The following CD163L1 variants were observed in gnomAD, a reference collection of about 807,000 sequenced individuals.
The protein encoded by CD163L1 is scavenger receptor cysteine-rich type 1 protein M160.
In CD163L1, 124 loss-of-function variants were observed where a neutral mutation model predicts 165.4. The ratio of observed to expected loss-of-function variants is 0.75; its 90% confidence interval spans 0.65 to 0.87. The LOEUF (loss-of-function observed/expected upper bound fraction) is 0.87, where lower values mean the gene tolerates loss of function less well. Among genes scored for constraint, CD163L1 ranks in the 40% least tolerant of loss-of-function variants. The pLI is 0.00. For synonymous variants in CD163L1, 585 were observed against 662.2 expected, an observed-to-expected ratio of 0.88 and a Z score of 1.79; for missense variants, 1,525 against 1,799.9, an observed-to-expected ratio of 0.85 and a Z score of 2.76.
rs746519807 is a variant in CD163L1 at position 7,403,806 on chromosome 12, T to G, written c.1137A>C (p.Ser379=). 4 of 1,613,774 alleles carry G rather than the reference T, an allele frequency of 2.5e-6. No homozygotes were observed. The highest frequency in any genetic ancestry group is 3.4e-6 in the Non-Finnish European group (4 of 1,179,902). The part of the protein sequence containing the change: ...LRLADGSNNC[S]GRVEVRIHEQ... ...CATGAATTCTCACCTCTACTCTCCCTGAACAATTGTTACTTCCATCTGCTA... is the reference window on the plus strand; with the variant it reads ...CATGAATTCTCACCTCTACTCTCCCGGAACAATTGTTACTTCCATCTGCTA... Residue 379 remains serine, a synonymous_variant, in exon 6 of 20, where the codon TCA becomes TCC. Transcript: ENST00000313599.
chr12:7,379,221 C>A lies in CD163L1; in HGVS notation c.2128G>T (p.Ala710Ser). The change falls in exon 9 of 20, where the codon GCC (alanine) becomes TCC (serine). Residue 710 changes from alanine to serine, a missense_variant. Ala to Ser is a moderately conservative substitution (Grantham distance 99). Transcript: ENST00000313599. ...CCATTAGCACACAGAATTCCCACGG[C>A]ACCCTGGACATTCACCTCAACTTTT... ...AGKVEVNVQGAVGILCANGWG... is the reference protein window; with the variant it reads ...AGKVEVNVQGSVGILCANGWG... 1 of 1,614,210 alleles carries A rather than the reference C, an allele frequency of 6.2e-7. No homozygotes were observed. Among genetic ancestry groups the A allele is most frequent in the Non-Finnish European group, 8.5e-7 (1 of 1,180,030 alleles).
At chr12:7,422,195 G>C (rs984402823) in intron 4 of CD163L1, among the ~76,000 whole-genome samples, 5 of 152,058 alleles carry the variant, frequency 3.3e-5, no homozygotes, top group Admixed American at 6.6e-5. Flanking sequence ...CTGGAGAAGA[G>C]GGGCATGACT....
chr12:7,429,133 AT>A (rs1179118479), intron 4 of CD163L1, among the ~76,000 whole-genome samples: 1 of 152,050 alleles, frequency 6.6e-6, no homozygotes, highest in Middle Eastern at 3.2e-3. Flanking sequence ...TTGTAACTGA[AT>A]ACTTTTATCT....
chr12:7,380,495 G>A (rs1008491670), intron 8 of CD163L1, among the ~76,000 whole-genome samples: 1 of 151,972 alleles, frequency 6.6e-6, no homozygotes, highest in African/African-American at 2.4e-5. Flanking sequence ...GGATGGAATT[G>A]AAGACTATTA....
chr12:7,375,578 G>T lies in CD163L1; in HGVS notation c.2704C>A (p.Leu902Ile). The change falls in exon 11 of 20, where the codon CTT becomes ATT. Residue 902 changes from leucine (L) to isoleucine (I), a missense_variant. Leu to Ile is a conservative substitution (Grantham distance 5). Transcript: ENST00000313599. ...VVCSRYTDVR[L>I]VNGKSQCDGQ... ...TCACACTGGGATTTGCCATTCACAAGTCGGACATCTGTATATCCTAGGAGG... is the reference window on the plus strand; with the variant it reads ...TCACACTGGGATTTGCCATTCACAATTCGGACATCTGTATATCCTAGGAGG... 6.2e-7 allele frequency: 1 copy of T among 1,612,842 alleles called. No homozygotes were observed.
In CD163L1 at chr12:7,357,469, C is replaced by T. The variant is rs1344788763; in HGVS notation, c.4297G>A (p.Gly1433Ser). The change falls in exon 19 of 20, where the codon GGT becomes AGT. Residue 1433 changes from glycine (G) to serine (S), a missense_variant. By Grantham distance (56) the Gly-to-Ser change is moderately conservative. Transcript: ENST00000313599. ...TRTSDDTPNH[G>S]CEDASDTSLL... is the part of the protein sequence containing the mutation. The stretch of plus-strand genomic sequence containing the variant: ...GATGTGTCGCTAGCATCTTCACAAC[C>T]ATGGTTGGGGGTGTCATCTGAAAGA... 6.2e-7 allele frequency: 1 copy of T among 1,612,586 alleles called. No homozygotes were observed. Among genetic ancestry groups the T allele is most frequent in the South Asian group, 1.1e-5 (1 of 91,026 alleles).
chr12:7,352,336 C>G (rs1946711718), downstream of CD163L1, among the ~76,000 whole-genome samples: 1 of 152,082 alleles, frequency 6.6e-6, no homozygotes, highest in Non-Finnish European at 1.5e-5. Context: ...GCTGGGGTTG[C>G]TCTCATCTCC....
At chr12:7,399,414 CCTTCCCCTCCCCCATT>C (rs369336652) in intron 6 of CD163L1, among the ~76,000 whole-genome samples, 10 of 149,096 alleles carry the variant, frequency 6.7e-5, no homozygotes, top group South Asian at 2.2e-4. Context: ...TTCCTTCCTT[CCTTCCCCTCCCCCATT>C]CTTCTTCTTC....
Position 7,364,788 on chromosome 12 carries a change from G to C in CD163L1, c.4279+2448C>G, listed in dbSNP as rs181533760. 1.9e-4 allele frequency among the ~76,000 whole-genome samples: 28 copies of C among 150,888 alleles called. 1 individual carries two copies. The highest frequency in any genetic ancestry group is 4.6e-4 in the Admixed American group (7 of 15,180). On this transcript the variant is annotated intron_variant, in intron 18 of 19. Transcript: ENST00000313599. ...AAACACTGATGAAAGAAATAGAAGA[G>C]GACAAAAAAAAAGAAGTATATTTCA...
At chr12:7,353,175 AATG>A (rs1481122293), downstream of CD163L1, among the ~76,000 whole-genome samples, 1 of 152,090 alleles carries the variant, frequency 6.6e-6, no homozygotes, top group African/African-American at 2.4e-5. Flanking sequence ...AAATAAATGA[AATG>A]ATAAGTTTAT....
At position 7,373,644 on chromosome 12, in the gene CD163L1, CA is replaced by C. The variant is rs751670195; in HGVS notation, c.3410-5del. 3 of 1,565,086 alleles carry C rather than the reference CA, an allele frequency of 1.9e-6. No individual in the cohort carries two copies. In the Admixed American group the frequency reaches 5.8e-5, roughly 30 times the overall value. On this transcript the variant is annotated splice_polypyrimidine_tract_variant and splice_region_variant and intron_variant, in intron 13 of 19. Transcript: ENST00000313599. ...TAGAGCCTCAAGGCTGTGAATTCTA[CA>C]GAGAAATACAAAACTTAGTATTAAA...
In CD163L1 at chr12:7,426,439, C is replaced by A. The variant is rs189854472; in HGVS notation, c.766+5977G>T. On this transcript the variant is annotated intron_variant, in intron 4 of 19. Coordinates refer to ENST00000313599, the MANE Select transcript of CD163L1 (RefSeq NM_174941.6). ...AATCTGCATGTTCAGCACATATATC[C>A]CAGAACTTAAAGTAAAAATAAATAA... 7.2e-5 allele frequency among the ~76,000 whole-genome samples: 11 copies of A among 151,884 alleles called. No homozygotes were observed. In the East Asian group the frequency reaches 2.1e-3, roughly 29 times the overall value.
intron 4 of CD163L1, among the ~76,000 whole-genome samples, chr12:7,424,268 A>C (rs545661462): frequency 5.9e-5 from 8 of 134,514 alleles, no homozygotes; most frequent in Admixed American, 2.3e-4. Flanking sequence ...TCTTCAATAA[A>C]ATTCAACATC....
the CD163L1 span, among the ~76,000 whole-genome samples, chr12:7,333,623 C>A: frequency 6.6e-6 from 1 of 151,944 alleles, no homozygotes; most frequent in Non-Finnish European, 1.5e-5. Flanking sequence ...TAGCAGAAGG[C>A]AAGAAATAAC....
chr12:7,337,756 T>C, the CD163L1 span, among the ~76,000 whole-genome samples: 10 of 152,312 alleles, frequency 6.6e-5, no homozygotes, highest in Non-Finnish European at 1.5e-5. Flanking sequence ...GAAGACAGTG[T>C]GGCGATTCCT....
intron 4 of CD163L1, among the ~76,000 whole-genome samples, chr12:7,412,392 A>G (rs1948154161): frequency 6.6e-6 from 1 of 152,226 alleles, no homozygotes; most frequent in East Asian, 1.9e-4. Context: ...AAAATTACAT[A>G]AGCAATTAAA....
At chr12:7,399,703 T>A (rs753124547) in intron 6 of CD163L1, among the ~76,000 whole-genome samples, 207 of 151,898 alleles carry the variant, frequency 1.4e-3, no homozygotes, top group African/African-American at 4.9e-3. Flanking sequence ...CTTCAGGGTT[T>A]AAGTGATCCT....
chr12:7,382,937 C>T (rs1165502125), intron 8 of CD163L1, among the ~76,000 whole-genome samples: 1 of 152,184 alleles, frequency 6.6e-6, no homozygotes, highest in Non-Finnish European at 1.5e-5. Flanking sequence ...GTCTGATGTA[C>T]TGGGAAATGG....
At chr12:7,328,840 G>A in the CD163L1 span, 2 of 153,100 alleles carry the variant, frequency 1.3e-5, no homozygotes, top group Non-Finnish European at 2.9e-5. Context: ...ATTAAGTACT[G>A]TATTATTGTG....
Sources: allele counts gnomAD v4.1 joint callset (sites outside exome capture counted in the v4.1 genomes callset), GRCh38; gene constraint gnomAD v4.1.1; transcripts MANE v1.5; gene names NCBI Gene and HGNC (gene_info 2026-07-23, HGNC 2026-07-21).